Variants in MRE11 observed in about 807,000 individuals in gnomAD.
MRE11 encodes double-strand break repair protein MRE11.
Under a neutral mutation model 91.7 loss-of-function variants are expected in MRE11, and 62 were observed. That is an observed-to-expected ratio of 0.68 (90% CI 0.55 to 0.84). The LOEUF is 0.84. Ranked by LOEUF, MRE11 falls within the 40% of genes least tolerant of loss-of-function variation. The probability of loss-of-function intolerance (pLI) is 0.00; values close to 1 mark genes in which losing one functional copy is unlikely to be tolerated. For missense variants in MRE11, 796 were observed against 852.9 expected, an observed-to-expected ratio of 0.93 and a Z score of 0.83; for synonymous variants, 273 against 271.4, an observed-to-expected ratio of 1.01 and a Z score of -0.06.
chr11:94,462,589 C>A (rs960009849), intron 11 of MRE11, among the ~76,000 whole-genome samples: 1 of 152,054 alleles, frequency 6.6e-6, no homozygotes, highest in Non-Finnish European at 1.5e-5. Context: ...GAGATATAGA[C>A]CAACGGAACA....
At chr11:94,458,088 G>A (rs1367744067) in intron 13 of MRE11, among the ~76,000 whole-genome samples, 7 of 151,996 alleles carry the variant, frequency 4.6e-5, no homozygotes, top group African/African-American at 2.4e-5. Context: ...CCTACCTCTG[G>A]AAGTACTTGG....
At chr11:94,427,216 T>C (rs1050822845) in intron 19 of MRE11, among the ~76,000 whole-genome samples, 3 of 152,094 alleles carry the variant, frequency 2.0e-5, no homozygotes, top group Non-Finnish European at 2.9e-5. Flanking sequence ...TGCTTTATTC[T>C]TGGGATACAA....
chr11:94,437,270 T>C, intron 16 of MRE11, 35 bp from the exon 17 acceptor site: 3 of 1,599,016 alleles, frequency 1.9e-6, no homozygotes, highest in Non-Finnish European at 2.6e-6. Flanking sequence ...CATTATGTTA[T>C]TCTTAAAATA....
the MRE11 span, chr11:94,499,627 A>G: frequency 6.6e-6 from 1 of 152,208 alleles, no homozygotes; most frequent in Non-Finnish European, 1.5e-5. Flanking sequence ...TCTTGGATCC[A>G]GAACATTATT....
chr11:94,479,006 CA>C, intron 5 of MRE11, 130 bp from the exon 6 acceptor site: 1 of 982,106 alleles, frequency 1.0e-6, no homozygotes, highest in Non-Finnish European at 1.5e-6. Context: ...AGTGTCTTCT[CA>C]AAACAAAATT....
At chr11:94,429,670 G>A (rs1341127630) in intron 19 of MRE11, among the ~76,000 whole-genome samples, 2 of 152,128 alleles carry the variant, frequency 1.3e-5, no homozygotes, top group African/African-American at 4.8e-5. Context: ...ACTAGAGAGT[G>A]GAGGCTGAGA....
chr11:94,492,598 C>T, intron 2 of MRE11, 184 bp downstream of exon 2: 13 of 1,074,174 alleles, frequency 1.2e-5, no homozygotes, highest in Non-Finnish European at 1.8e-5. Context: ...TGCATATTAG[C>T]TTCCAGTTAA....
chr11:94,448,562 G>A (rs1485372090), intron 14 of MRE11, among the ~76,000 whole-genome samples: 1 of 152,016 alleles, frequency 6.6e-6, no homozygotes, highest in Non-Finnish European at 1.5e-5. Flanking sequence ...AGTGAGCTGA[G>A]ATTGCACCAC....
intron 18 of MRE11, among the ~76,000 whole-genome samples, chr11:94,434,243 C>T (rs957659203): frequency 3.9e-5 from 6 of 152,028 alleles, no homozygotes; most frequent in African/African-American, 1.2e-4. Context: ...AATAAGTGAA[C>T]GTGGAACTAT....
intron 14 of MRE11, 133 bp from the exon 15 acceptor site, chr11:94,447,571 G>A: frequency 1.2e-6 from 1 of 837,686 alleles, no homozygotes; most frequent in Non-Finnish European, 1.9e-6. Flanking sequence ...GCTCACGCCT[G>A]TAATCTCAGC....
At chr11:94,445,674 AAAT>A in intron 16 of MRE11, 133 bp downstream of exon 16, 1 of 728,170 alleles carries the variant, frequency 1.4e-6, no homozygotes, top group Non-Finnish European at 2.4e-6. Flanking sequence ...ATCTTTTAAA[AAAT>A]AATTTATCCT....
intron 4 of MRE11, 78 bp downstream of exon 4, chr11:94,485,846 C>G: frequency 1.5e-6 from 2 of 1,367,258 alleles, no homozygotes; most frequent in South Asian, 1.2e-5. Context: ...GAAGGCAAAA[C>G]AGTTGTGTGT....
intron 11 of MRE11, among the ~76,000 whole-genome samples, chr11:94,463,873 A>G (rs1946487339): frequency 6.6e-6 from 1 of 152,192 alleles, no homozygotes; most frequent in African/African-American, 2.4e-5. Flanking sequence ...TGGCACATGT[A>G]TACATATGCA....
At chr11:94,467,357 T>A (rs1946590008) in intron 10 of MRE11, among the ~76,000 whole-genome samples, 1 of 150,110 alleles carries the variant, frequency 6.7e-6, no homozygotes, top group East Asian at 2.0e-4. Flanking sequence ...GGGAAAAAAA[T>A]AAGAAGAAAA....
chr11:94,430,017 A>G, intron 18 of MRE11, 31 bp from the exon 19 acceptor site: 1 of 1,605,966 alleles, frequency 6.2e-7, no homozygotes, highest in Non-Finnish European at 8.5e-7. Context: ...AAACAAACAC[A>G]ATGAACTACA....
chr11:94,456,402 G>C, intron 13 of MRE11, 64 bp from the exon 14 acceptor site: 1 of 1,256,378 alleles, frequency 8.0e-7, no homozygotes, highest in East Asian at 2.4e-5. Flanking sequence ...TATAAAACAA[G>C]GGGCTACAAT....
At chr11:94,477,176 T>C (rs544646561) in intron 6 of MRE11, among the ~76,000 whole-genome samples, 1 of 152,312 alleles carries the variant, frequency 6.6e-6, no homozygotes, top group East Asian at 1.9e-4. Flanking sequence ...TTTTTCACCA[T>C]CCCTTTGTTA....
In MRE11 at chr11:94,471,615, G is replaced by A. The variant is rs746101425; in HGVS notation, c.804C>T (p.Ser268=). The A allele has an allele frequency of 3.7e-6, 6 of 1,612,714 alleles. No homozygotes were observed. The South Asian group carries it at 5.5e-5, about 15-fold the overall frequency. ...QQLFYISQPG[S]SVVTSLSPGE... ...CTGGGGAAAGAGAAGTAACCACTGAGCTTCCAGGTTGTGAGATATAAAACA... is the reference window on the plus strand; with the variant it reads ...CTGGGGAAAGAGAAGTAACCACTGAACTTCCAGGTTGTGAGATATAAAACA... Residue 268 remains serine (S), a synonymous_variant, in exon 8 of 20, where the codon AGC becomes AGT. Coordinates refer to ENST00000323929, the MANE Select transcript of MRE11 (RefSeq NM_005591.4).
chr11:94,495,232 C>CA (rs1947396924), upstream of MRE11, among the ~76,000 whole-genome samples: 1 of 152,148 alleles, frequency 6.6e-6, no homozygotes, highest in Non-Finnish European at 1.5e-5. Flanking sequence ...ATCAAGAAAT[C>CA]AGTATCTTGG....
Sources: allele counts gnomAD v4.1 joint callset (sites outside exome capture counted in the v4.1 genomes callset), GRCh38; gene constraint gnomAD v4.1.1; transcripts MANE v1.5; gene names NCBI Gene and HGNC (gene_info 2026-07-23, HGNC 2026-07-21).